Variants in SYT15B observed in about 807,000 individuals in gnomAD.
SYT15B encodes synaptotagmin-15.
chr10:47,751,068 C>T, the SYT15B span: 1 of 150,644 alleles, frequency 6.6e-6, no homozygotes, highest in Non-Finnish European at 1.5e-5. Flanking sequence ...TTAATGAGTA[C>T]ATTAAAAATC....
At chr10:47,747,284 C>T in the SYT15B span, among the ~76,000 whole-genome samples, 1 of 152,028 alleles carries the variant, frequency 6.6e-6, no homozygotes, top group Non-Finnish European at 1.5e-5. Flanking sequence ...GCCAAGATAT[C>T]ATGTAGAAGG....
the SYT15B span, chr10:47,750,818 A>T: frequency 1.3e-4 from 20 of 152,022 alleles, no homozygotes; most frequent in African/African-American, 4.4e-4. Context: ...AAGTCCAAGT[A>T]TTATTGTGTT....
the SYT15B span, chr10:47,763,588 A>G: frequency 4.5e-6 from 2 of 444,008 alleles, no homozygotes; most frequent in African/African-American, 4.2e-5. Context: ...GGTGATTATT[A>G]GAACGCAGGG....
At chr10:47,753,114 A>C in the SYT15B span, 2 of 980,400 alleles carry the variant, frequency 2.0e-6, no homozygotes, top group Admixed American at 6.2e-5. Flanking sequence ...GTCTCAAAAA[A>C]TTAAAATAAA....
chr10:47,749,892 A>G, the SYT15B span, among the ~76,000 whole-genome samples: 1 of 151,004 alleles, frequency 6.6e-6, no homozygotes, highest in African/African-American at 2.4e-5. Flanking sequence ...TGACATCATT[A>G]TAAGAACATT....
At chr10:47,761,766 T>A in the SYT15B span, 1 of 569,906 alleles carries the variant, frequency 1.8e-6, no homozygotes, top group Non-Finnish European at 3.1e-6. Flanking sequence ...ATCTCAGGAG[T>A]GATAGGAGCA....
the SYT15B span, among the ~76,000 whole-genome samples, chr10:47,756,631 C>T: frequency 6.6e-6 from 1 of 152,270 alleles, no homozygotes; most frequent in Non-Finnish European, 1.5e-5. Flanking sequence ...GGTCTGGATC[C>T]TGCCTGGCTT....
the SYT15B span, among the ~76,000 whole-genome samples, chr10:47,756,650 C>G: frequency 6.6e-6 from 1 of 152,304 alleles, no homozygotes; most frequent in South Asian, 2.1e-4. Flanking sequence ...TTACGGTGAC[C>G]CCAGATGTGA....
the SYT15B span, chr10:47,762,863 C>T: frequency 6.9e-7 from 1 of 1,440,938 alleles, no homozygotes; most frequent in South Asian, 1.3e-5. Context: ...GGCCCAGGCC[C>T]AGGCCCGGCG....
chr10:47,749,283 C>T, the SYT15B span, among the ~76,000 whole-genome samples: 2 of 136,134 alleles, frequency 1.5e-5, no homozygotes, highest in African/African-American at 5.4e-5. Flanking sequence ...AATTTGCTGC[C>T]AGCAGATGTG....
At chr10:47,747,420 C>G in the SYT15B span, among the ~76,000 whole-genome samples, 1 of 134,694 alleles carries the variant, frequency 7.4e-6, no homozygotes, top group Admixed American at 7.9e-5. Context: ...GTTCAGGACC[C>G]ACCAAGGAAA....
chr10:47,761,056 G>A, the SYT15B span: 1 of 605,516 alleles, frequency 1.7e-6, no homozygotes, highest in Non-Finnish European at 2.9e-6. Context: ...GAGGAGGCCA[G>A]GGCACCATTT....
the SYT15B span, among the ~76,000 whole-genome samples, chr10:47,762,290 G>A: frequency 1.3e-5 from 2 of 151,696 alleles, no homozygotes; most frequent in East Asian, 3.9e-4. Flanking sequence ...GGACCTAGGA[G>A]GCTTCGCCCC....
At chr10:47,749,257 C>CA in the SYT15B span, among the ~76,000 whole-genome samples, 1,013 of 114,928 alleles carry the variant, frequency 8.8e-3, 1 homozygote, top group Non-Finnish European at 0.014. Context: ...CAAAAAAACA[C>CA]AAAAAAACCT....
chr10:47,757,549 C>T, the SYT15B span, among the ~76,000 whole-genome samples: 6 of 74,768 alleles, frequency 8.0e-5, 3 homozygotes, highest in African/African-American at 2.2e-4. Flanking sequence ...GGAGTCACAC[C>T]CAGGTCTGAG....
the SYT15B span, among the ~76,000 whole-genome samples, chr10:47,762,194 G>A: frequency 1.3e-5 from 2 of 151,822 alleles, no homozygotes; most frequent in African/African-American, 4.8e-5. Context: ...CGCGCTTAGG[G>A]GAGTTGGTGC....
chr10:47,756,691 C>T, the SYT15B span, among the ~76,000 whole-genome samples: 1 of 152,310 alleles, frequency 6.6e-6, no homozygotes, highest in Non-Finnish European at 1.5e-5. Context: ...ACCACCACCT[C>T]ACTGGGATGG....
At chr10:47,744,894 C>T in the SYT15B span, among the ~76,000 whole-genome samples, 1 of 151,972 alleles carries the variant, frequency 6.6e-6, no homozygotes, top group Non-Finnish European at 1.5e-5. Flanking sequence ...TGTCCTGTAA[C>T]TTCTAGCTAT....
At chr10:47,745,278 GT>G in the SYT15B span, among the ~76,000 whole-genome samples, 1 of 145,908 alleles carries the variant, frequency 6.9e-6, no homozygotes, top group East Asian at 2.1e-4. Context: ...TTGTCTCAGA[GT>G]GGGGTTAGCA....
Sources: allele counts gnomAD v4.1 joint callset (sites outside exome capture counted in the v4.1 genomes callset), GRCh38; gene constraint gnomAD v4.1.1; transcripts MANE v1.5; gene names NCBI Gene and HGNC (gene_info 2026-07-23, HGNC 2026-07-21).